SCP2: variants seen among roughly 807,000 people sequenced by gnomAD.
SCP2 encodes SCP-2/3-oxoacyl-CoA thiolase.
SCP2 carries 48 observed loss-of-function variants against 71.4 expected under a neutral mutation model. That is an observed-to-expected ratio of 0.67 (90% CI 0.53 to 0.86). SCP2 has a LOEUF of 0.86. Ranked by LOEUF, SCP2 falls within the 40% of genes least tolerant of loss-of-function variation. SCP2 has a pLI of 0.00. For missense variants in SCP2, 560 were observed against 655.6 expected, an observed-to-expected ratio of 0.85 and a Z score of 1.59; for synonymous variants, 220 against 218.1, an observed-to-expected ratio of 1.01 and a Z score of -0.08.
intron 13 of SCP2, 119 bp from the exon 14 acceptor site, chr1:53,038,798 T>C: frequency 7.9e-7 from 1 of 1,265,414 alleles, no homozygotes; most frequent in Admixed American, 1.7e-5. Context: ...ATAAGGGACC[T>C]TGGGGACCGC....
chr1:53,027,430 G>A (rs1344189389), intron 12 of SCP2, among the ~76,000 whole-genome samples: 2 of 152,108 alleles, frequency 1.3e-5, no homozygotes, highest in Non-Finnish European at 1.5e-5. Flanking sequence ...AGCTTCTTTG[G>A]TTTACTGTAT....
intron 14 of SCP2, among the ~76,000 whole-genome samples, chr1:53,040,880 G>A (rs1467555649): frequency 1.3e-5 from 2 of 152,132 alleles, no homozygotes; most frequent in African/African-American, 4.8e-5. Context: ...CTTGAAGACA[G>A]AGCTTTTTGT....
At chr1:52,956,396 T>C (rs2150133967) in intron 5 of SCP2, among the ~76,000 whole-genome samples, 1 of 152,380 alleles carries the variant, frequency 6.6e-6, no homozygotes, top group East Asian at 1.9e-4. Flanking sequence ...CCATTTTCTC[T>C]GTTGAAACAT....
intron 7 of SCP2, among the ~76,000 whole-genome samples, chr1:52,975,250 G>A (rs1466170105): frequency 2.6e-5 from 4 of 151,802 alleles, no homozygotes; most frequent in East Asian, 1.9e-4. Flanking sequence ...GCATGATCTC[G>A]GCTCACTGCA....
chr1:53,030,942 C>G (rs936894502), intron 13 of SCP2, among the ~76,000 whole-genome samples: 18 of 149,964 alleles, frequency 1.2e-4, no homozygotes, highest in Non-Finnish European at 3.0e-5. Flanking sequence ...CTTTGCCAAC[C>G]TAGTAGGAAA....
At chr1:52,976,846 T>G in intron 8 of SCP2, 77 bp downstream of exon 8, 1 of 807,462 alleles carries the variant, frequency 1.2e-6, no homozygotes, top group East Asian at 2.5e-5. Flanking sequence ...GGTTAAACCT[T>G]AGGCTCTGCA....
intron 13 of SCP2, among the ~76,000 whole-genome samples, chr1:53,031,727 C>G (rs563969941): frequency 2.0e-5 from 3 of 152,302 alleles, no homozygotes; most frequent in African/African-American, 7.2e-5. Context: ...ACTCCCACTT[C>G]AATTGAAAAT....
intron 13 of SCP2, among the ~76,000 whole-genome samples, chr1:53,036,950 T>TG (rs1424964030): frequency 1.3e-5 from 2 of 152,048 alleles, no homozygotes; most frequent in Admixed American, 1.3e-4. Context: ...GAGACCAGCC[T>TG]GGCCAACATA....
At position 52,978,204 on chromosome 1, in the gene SCP2, T is replaced by C. The variant is rs1344294039; in HGVS notation, c.675-13T>C. The C allele has an allele frequency of 1.2e-6, 2 of 1,613,018 alleles. No homozygotes were observed. The highest frequency in any genetic ancestry group is 1.7e-5 in the Admixed American group (1 of 60,018). ...GCTACTGGGTGTGGAGAATTATTTT[T>C]ACTTCCTCTTAGTCCCACTTCAGAT... On this transcript the variant is annotated splice_polypyrimidine_tract_variant and intron_variant, in intron 8 of 15. Coordinates refer to ENST00000371514, the MANE Select transcript of SCP2 (RefSeq NM_002979.5).
rs192647013 is a variant in SCP2 at position 53,047,030 on chromosome 1, C to G, written c.1469-828C>G. Among the ~76,000 whole-genome samples the G allele has an allele frequency of 1.9e-4, 29 of 152,336 alleles. 1 individual carries two copies. Among genetic ancestry groups the G allele is most frequent in the Admixed American group, 8.5e-4 (13 of 15,306 alleles). The stretch of plus-strand genomic sequence containing the variant: ...CTTTTGGCCAGGGCTGGGCTCTCAT[C>G]TGGAGGCTTCAATGGGGAAGGATCC... On this transcript the variant is annotated intron_variant, in intron 14 of 15. Coordinates refer to ENST00000371514, the MANE Select transcript of SCP2 (RefSeq NM_002979.5).
chr1:53,047,745 C>T, intron 14 of SCP2, 113 bp from the exon 15 acceptor site: 1 of 752,158 alleles, frequency 1.3e-6, no homozygotes, highest in Admixed American at 1.9e-5. Flanking sequence ...CATTTCCCCA[C>T]ACTGCCTCAG....
At chr1:53,002,186 C>CAA (rs57702073) in intron 11 of SCP2, among the ~76,000 whole-genome samples, 8 of 76,084 alleles carry the variant, frequency 1.1e-4, no homozygotes, top group Admixed American at 3.1e-4. Context: ...GACTCCGTCT[C>CAA]AAAAAAAAAA....
At chr1:53,018,913 C>T (rs75679415) in intron 12 of SCP2, among the ~76,000 whole-genome samples, 2,709 of 152,158 alleles carry the variant, frequency 0.018, 81 homozygotes, top group African/African-American at 0.062. Context: ...TGTCATGTCT[C>T]TTTAGTTTCC....
intron 12 of SCP2, 137 bp downstream of exon 12, chr1:53,015,180 C>G (rs559373041): frequency 1.1e-6 from 1 of 922,396 alleles, no homozygotes; most frequent in African/African-American, 1.7e-5. Context: ...GTTTTAAGAA[C>G]ATGGCTTTAA....
Position 53,038,975 on chromosome 1 carries a change from G to A in SCP2, c.1397G>A (p.Gly466Asp), listed in dbSNP as rs775326270. The change falls in exon 14 of 16, where the codon GGC becomes GAC. Residue 466 changes from glycine to aspartate, a missense_variant. Around this residue, in one of 3 missense-constraint regions of SCP2, gnomAD observed 513 missense variants for 573.1 expected, o/e 0.90. Transcript: ENST00000371514. ...GGIFAFKVKDGPGGKEATWVV... is the reference protein window; with the variant it reads ...GGIFAFKVKDDPGGKEATWVV... Reference sequence around the variant, plus strand: ...ATTTTTGCCTTCAAGGTGAAAGATGGCCCTGGGGGTAAAGAGGCCACCTGG... The same window carrying A: ...ATTTTTGCCTTCAAGGTGAAAGATGACCCTGGGGGTAAAGAGGCCACCTGG... The A allele has an allele frequency of 6.2e-7, 1 of 1,614,140 alleles. No homozygotes were observed. The highest frequency in any genetic ancestry group is 8.5e-7 in the Non-Finnish European group (1 of 1,179,998).
At position 53,028,879 on chromosome 1, in the gene SCP2, G is replaced by A. The variant is rs144438779; in HGVS notation, c.1338+808G>A. Among the ~76,000 whole-genome samples the A allele has an allele frequency of 4.4e-3, 675 of 152,162 alleles. 7 individuals carry two copies. Among genetic ancestry groups the A allele is most frequent in the African/African-American group, 0.016 (647 of 41,482 alleles). ...CAACCTTCACCTCCCGGGTTCAAGT[G>A]ATTCTTGTTCCTCTGCCTCCTGAGT... On this transcript the variant is annotated intron_variant, in intron 13 of 15. Transcript: ENST00000371514.
At position 53,037,922 on chromosome 1, in the gene SCP2, A is replaced by ACACACACAC. The variant is rs778637730; in HGVS notation, c.1339-987_1339-986insCCACACACA. On this transcript the variant is annotated intron_variant, in intron 13 of 15. Transcript: ENST00000371514. ...CACACACACACACACACACACACAC[A>ACACACACAC]CACACACAGATCCAGATCCTGTCTC... 1.0e-2 allele frequency among the ~76,000 whole-genome samples: 1,338 copies of ACACACACAC among 133,932 alleles called. 39 individuals are homozygous for ACACACACAC. Among genetic ancestry groups the ACACACACAC allele is most frequent in the African/African-American group, 0.028 (997 of 35,594 alleles). 87.9% of individuals were successfully genotyped at this position (133,932 alleles called of 152,430 possible).
chr1:52,988,858 G>GTAT (rs1218482327), intron 11 of SCP2, among the ~76,000 whole-genome samples: 1 of 150,760 alleles, frequency 6.6e-6, no homozygotes, highest in African/African-American at 2.4e-5. Context: ...GCTAATTTTT[G>GTAT]TATTTTTTTT....
At position 53,050,926 on chromosome 1, in the gene SCP2, A is replaced by G. The variant is rs547932003; in HGVS notation, c.*222A>G. On this transcript the variant is annotated 3_prime_UTR_variant, in exon 16 of 16. Coordinates refer to ENST00000371514, the MANE Select transcript of SCP2 (RefSeq NM_002979.5). ...GGAATTGCATACAACTGTGCATTAC[A>G]AAGTTAATATGGTAATTATGGTCTG... 3.3e-4 allele frequency: 141 copies of G among 423,816 alleles called. No individual in the cohort carries two copies. Among genetic ancestry groups the G allele is most frequent in the Middle Eastern group, 6.5e-4 (1 of 1,550 alleles). 26.3% of individuals were successfully genotyped at this position (423,816 alleles called of 1,614,324 possible). A position where few individuals can be genotyped will look rare whatever the true frequency, so the allele number is the denominator to read the frequency against.
Sources: gnomAD v4.1 joint callset for allele counts (sites outside exome capture counted in the v4.1 genomes callset) on GRCh38, gnomAD v4.1.1 for gene constraint, gnomAD v4.1.1 regional missense constraint, MANE v1.5 for transcripts, NCBI Gene and HGNC (gene_info 2026-07-23, HGNC 2026-07-21) for gene names.